PDXDC1: variants seen among roughly 807,000 people sequenced by gnomAD.
PDXDC1 encodes pyridoxal-dependent decarboxylase domain-containing protein 1.
PDXDC1 carries 42 observed loss-of-function variants against 100.1 expected under a neutral mutation model. The observed-to-expected ratio is 0.42, with a 90% CI of 0.33 to 0.54. PDXDC1 has a LOEUF of 0.54. Among genes scored for constraint, PDXDC1 ranks in the 20% least tolerant of loss-of-function variants. The pLI, the probability that PDXDC1 is intolerant of heterozygous loss-of-function variation, is 0.10. For synonymous variants in PDXDC1, 260 were observed against 371.7 expected, an observed-to-expected ratio of 0.70 and a Z score of 3.46; for missense variants, 636 against 979.2, an observed-to-expected ratio of 0.65 and a Z score of 4.68.
intron 16 of PDXDC1, among the ~76,000 whole-genome samples, chr16:15,064,050 T>C (rs576163044): frequency 6.6e-6 from 1 of 152,360 alleles, no homozygotes; most frequent in African/African-American, 2.4e-5. Flanking sequence ...CAGATGGTCA[T>C]GATGCTGCTA....
At chr16:14,993,903 G>A (rs1041749245) in intron 1 of PDXDC1, among the ~76,000 whole-genome samples, 1 of 152,304 alleles carries the variant, frequency 6.6e-6, no homozygotes, top group African/African-American at 2.4e-5. Flanking sequence ...GTGGTGATGA[G>A]CATTTTTTCA....
intron 16 of PDXDC1, chr16:15,131,492 G>A: frequency 6.2e-7 from 1 of 1,607,516 alleles, no homozygotes; most frequent in Non-Finnish European, 8.5e-7. Flanking sequence ...TAGCACAGCA[G>A]GCTCCGCGGG....
intron 3 of PDXDC1, among the ~76,000 whole-genome samples, chr16:15,001,026 C>T (rs1973033604): frequency 6.6e-6 from 1 of 151,996 alleles, no homozygotes; most frequent in African/African-American, 2.4e-5. Flanking sequence ...TCTTGTACTC[C>T]AAGATTCAAA....
At chr16:14,979,936 A>G (rs374876565) in intron 1 of PDXDC1, among the ~76,000 whole-genome samples, 2 of 152,404 alleles carry the variant, frequency 1.3e-5, no homozygotes, top group East Asian at 3.9e-4. Context: ...ACTCTTTTAT[A>G]TAGAATGAGA....
chr16:15,073,410 T>C (rs1412071065), intron 16 of PDXDC1, among the ~76,000 whole-genome samples: 1 of 152,234 alleles, frequency 6.6e-6, no homozygotes, highest in Non-Finnish European at 1.5e-5. Flanking sequence ...TAAGCCATGT[T>C]TGTGCGACTG....
chr16:15,133,157 C>A (rs2048189513), intron 16 of PDXDC1: 1 of 826,930 alleles, frequency 1.2e-6, no homozygotes, highest in Non-Finnish European at 2.0e-6. Context: ...TGGGATTTAT[C>A]TCTGGGGCCC....
At chr16:15,085,804 T>TA (rs2045895535) in intron 16 of PDXDC1, 5 of 1,471,950 alleles carry the variant, frequency 3.4e-6, no homozygotes, top group Non-Finnish European at 4.6e-6. Context: ...TAAAAAAAGT[T>TA]ATTTTTCCAT....
chr16:15,056,987 G>GT (rs2044548382), intron 16 of PDXDC1, among the ~76,000 whole-genome samples: 1 of 152,020 alleles, frequency 6.6e-6, no homozygotes, highest in Non-Finnish European at 1.5e-5. Context: ...GGTGAGAGGC[G>GT]TCTCACCGTG....
chr16:15,124,082 G>C (rs1162328928), intron 16 of PDXDC1, among the ~76,000 whole-genome samples: 2 of 152,200 alleles, frequency 1.3e-5, no homozygotes, highest in African/African-American at 2.4e-5. Context: ...GACGTCCAAG[G>C]AATCTATGCA....
At chr16:15,140,253 T>C (rs1270200758), downstream of PDXDC1, among the ~76,000 whole-genome samples, 1 of 150,834 alleles carries the variant, frequency 6.6e-6, no homozygotes, top group Non-Finnish European at 1.5e-5. Flanking sequence ...AAGACCAGAC[T>C]GACCAACACG....
Position 15,060,055 on chromosome 16 carries a change from G to A in PDXDC1, c.1399+29999G>A, listed in dbSNP as rs930699642. ...ACATGTATTGAGGTACCTTTTATTG[G>A]TATAAGAACGTAAGTTCCAGATTAA... On this transcript the variant is annotated intron_variant, in intron 16 of 16. Transcript: ENST00000535621. 7 of 245,002 alleles carry A rather than the reference G, an allele frequency of 2.9e-5. 1 individual carries two copies. The highest frequency in any genetic ancestry group is 5.8e-5 in the Non-Finnish European group (7 of 121,690). 15.2% of individuals were successfully genotyped at this position (245,002 alleles called of 1,614,324 possible).
intron 16 of PDXDC1, chr16:15,074,882 T>C: frequency 1.9e-6 from 3 of 1,591,180 alleles, no homozygotes; most frequent in East Asian, 2.2e-5. Context: ...AAAAAGTAAA[T>C]ACTAACATTA....
chr16:15,015,812 T>C (rs1485898127), intron 8 of PDXDC1: 23 of 513,432 alleles, frequency 4.5e-5, no homozygotes, highest in African/African-American at 1.8e-4. Context: ...CAAGTATATA[T>C]TGACAAACCA....
At chr16:15,070,139 C>A (rs749216406) in intron 16 of PDXDC1, 2 of 1,606,112 alleles carry the variant, frequency 1.2e-6, no homozygotes, top group South Asian at 2.2e-5. Flanking sequence ...GCTTGGCAGG[C>A]TGAGTAAAAT....
At chr16:15,100,743 G>A (rs993766507) in intron 16 of PDXDC1, among the ~76,000 whole-genome samples, 6 of 152,134 alleles carry the variant, frequency 3.9e-5, no homozygotes, top group African/African-American at 7.2e-5. Flanking sequence ...ATATGGGAGG[G>A]TGAGGCAGGA....
At chr16:15,046,660 GA>G in intron 16 of PDXDC1, among the ~76,000 whole-genome samples, 1 of 123,084 alleles carries the variant, frequency 8.1e-6, no homozygotes, top group Non-Finnish European at 1.6e-5. Flanking sequence ...AAGAGTTTAA[GA>G]CCGGCCTGGG....
intron 8 of PDXDC1, among the ~76,000 whole-genome samples, chr16:15,013,972 C>G (rs2041574108): frequency 6.6e-6 from 1 of 152,078 alleles, no homozygotes; most frequent in African/African-American, 2.4e-5. Context: ...TTTGAGAGGC[C>G]AAGGCGGGAA....
At chr16:15,131,261 G>A (rs1164358062) in intron 16 of PDXDC1, 8 of 1,587,916 alleles carry the variant, frequency 5.0e-6, no homozygotes, top group Non-Finnish European at 6.0e-6. Context: ...GTGATGGCGC[G>A]CTCTGAGGCC....
chr16:15,028,976 G>A lies in PDXDC1; in HGVS notation c.1293+10G>A, dbSNP rs771765550. The stretch of plus-strand genomic sequence containing the variant: ...CGCGCTGAATCGCTGGGTGAGAATG[G>A]CAGTCACCCCCCTTTCCTTTCAGGT... On this transcript the variant is annotated intron_variant, in intron 15 of 22. Coordinates refer to ENST00000396410, the MANE Select transcript of PDXDC1 (RefSeq NM_015027.4). The A allele has an allele frequency of 5.8e-5, 93 of 1,610,514 alleles. No individual in the cohort carries two copies. Among genetic ancestry groups the A allele is most frequent in the Non-Finnish European group, 7.5e-5 (89 of 1,179,252 alleles).
Sources: allele counts gnomAD v4.1 joint callset (sites outside exome capture counted in the v4.1 genomes callset), GRCh38; gene constraint gnomAD v4.1.1; transcripts MANE v1.5; gene names NCBI Gene and HGNC (gene_info 2026-07-23, HGNC 2026-07-21).